ZNF514: variants seen among roughly 807,000 people sequenced by gnomAD.
ZNF514 encodes the protein zinc finger protein 514.
Under a neutral mutation model 9.7 loss-of-function variants are expected in ZNF514, and 12 were observed. The ratio of observed to expected loss-of-function variants is 1.24; its 90% CI spans 0.79 to 2.01. The LOEUF (loss-of-function observed/expected upper bound fraction) is 2.01, where lower values mean the gene tolerates loss of function less well. Among genes scored for constraint, ZNF514 ranks in the 30% most tolerant of loss-of-function variants. ZNF514 has a pLI of 0.00. For synonymous variants in ZNF514, 158 were observed against 163.7 expected (o/e 0.97, Z 0.27); for missense variants, 467 against 465.5 (o/e 1.00, Z -0.03).
chr2:95,155,964 C>A (rs1673676933), intron 2 of ZNF514, among the ~76,000 whole-genome samples: 1 of 152,168 alleles, frequency 6.6e-6, no homozygotes, highest in African/African-American at 2.4e-5. Context: ...GGAGCAGAGT[C>A]ACAGTCAGCC....
Position 95,150,252 on chromosome 2 carries a change from G to C in ZNF514, c.233C>G (p.Ser78Cys), listed in dbSNP as rs1490055401. 4.0e-6 allele frequency: 6 copies of C among 1,496,632 alleles called. No individual in the cohort carries two copies. The South Asian group carries it at 6.0e-5, about 15-fold the overall frequency. 92.7% of individuals were successfully genotyped at this position (1,496,632 alleles called of 1,614,324 possible). Residue 78 changes from serine (S) to cysteine (C), a missense_variant, in exon 5 of 5, where the codon TCT becomes TGT. Coordinates refer to ENST00000295208, the MANE Select transcript of ZNF514 (RefSeq NM_032788.3). The stretch of plus-strand genomic sequence containing the variant: ...ACTTGGCATTGATTCCTTGGATTTA[G>C]ACCTTCTCTTCCAGTCTGTTAAAAA... ...TGAHSDWKRR[S>C]KSKESMPSWG...
At chr2:95,132,919 G>C in the ZNF514 span, among the ~76,000 whole-genome samples, 1 of 148,112 alleles carries the variant, frequency 6.8e-6, no homozygotes, top group African/African-American at 2.5e-5. Flanking sequence ...ACTACGCCTA[G>C]CAATTGCATT....
chr2:95,149,601 C>G lies in ZNF514; in HGVS notation c.884G>C (p.Arg295Pro). The change falls in exon 5 of 5, where the codon CGA becomes CCA. Residue 295 changes from arginine to proline, a missense_variant. Arg to Pro is a moderately radical substitution (Grantham distance 103). Transcript: ENST00000295208. The stretch of plus-strand genomic sequence containing the variant: ...AAGGGATGAAGTGTGACCAAAGGCT[C>G]GTCCACATTCATTACATTTGTAGGG... ...EKPYKCNECG[R>P]AFGHTSSLIK... 1 of 1,614,022 alleles carries G rather than the reference C, an allele frequency of 6.2e-7. No individual in the cohort carries two copies. The highest frequency in any genetic ancestry group is 2.2e-5 in the East Asian group (1 of 44,870).
rs751817481 is a variant in ZNF514 at position 95,149,947 on chromosome 2, T to C, written c.538A>G (p.Lys180Glu). 3.7e-6 allele frequency: 6 copies of C among 1,614,122 alleles called. No individual in the cohort carries two copies. The African/African-American group carries it at 8.0e-5, about 22-fold the overall frequency. ...HSILMGEGSY[K>E]CDTEFRQTLG... is the part of the protein sequence containing the mutation. ...GTCTGCCTGAATTCTGTATCACATTTATAAGATCCTTCTCCCATGAGAATG... is the reference window on the plus strand; with the variant it reads ...GTCTGCCTGAATTCTGTATCACATTCATAAGATCCTTCTCCCATGAGAATG... The change falls in exon 5 of 5, where the codon AAA becomes GAA. Residue 180 changes from lysine (K) to glutamate (E), a missense_variant. Coordinates refer to ENST00000295208, the MANE Select transcript of ZNF514 (RefSeq NM_032788.3).
At chr2:95,133,194 C>T in the ZNF514 span, among the ~76,000 whole-genome samples, 1 of 152,116 alleles carries the variant, frequency 6.6e-6, no homozygotes, top group Non-Finnish European at 1.5e-5. Flanking sequence ...CTTGGCCAGG[C>T]AAGATGGCTC....
At chr2:95,140,620 T>A (rs187517398), downstream of ZNF514, among the ~76,000 whole-genome samples, 675 of 149,320 alleles carry the variant, frequency 4.5e-3, 7 homozygotes, top group East Asian at 0.048. Context: ...CTTGAAAAAA[T>A]ATATATATAT....
At chr2:95,153,547 CA>C (rs1676605148) in intron 2 of ZNF514, 1 of 231,856 alleles carries the variant, frequency 4.3e-6, no homozygotes, top group Non-Finnish European at 8.4e-6. Flanking sequence ...ATGATTCTGA[CA>C]ACAATAAGGC....
At chr2:95,139,119 C>A in the ZNF514 span, among the ~76,000 whole-genome samples, 19 of 152,232 alleles carry the variant, frequency 1.2e-4, no homozygotes, top group Admixed American at 5.9e-4. Flanking sequence ...TGCTTGTCAG[C>A]CTCCATCTAG....
chr2:95,159,709 C>G lies in ZNF514; in HGVS notation c.-565G>C, dbSNP rs1229157387. 3 of 137,228 alleles carry G rather than the reference C, an allele frequency of 2.2e-5. No individual in the cohort carries two copies. The highest frequency in any genetic ancestry group is 4.7e-5 in the Non-Finnish European group (3 of 63,316). 8.5% of individuals were successfully genotyped at this position (137,228 alleles called of 1,614,324 possible). ...CCCGCGTCCGCCCCGCGCCAGCCCC[C>G]GCGTCCGCCCCGCGCCAGCCCCCGC... On this transcript the variant is annotated 5_prime_UTR_variant, in exon 1 of 5. Coordinates refer to ENST00000295208, the MANE Select transcript of ZNF514 (RefSeq NM_032788.3).
At position 95,153,137 on chromosome 2, in the gene ZNF514, A is replaced by G; in HGVS notation, c.117T>C (p.Ile39=). Residue 39 remains isoleucine (I), a synonymous_variant, in exon 3 of 5, where the codon ATT becomes ATC. Transcript: ENST00000295208. ...VMLENFRNLA[I]LGLLVSKPYV... Reference sequence around the variant, plus strand: ...CTTTGGAGGGCTTGTGCTCACCCAGAATGGCCAAGTTCCTGAAGTTCTCCA... The same window carrying G: ...CTTTGGAGGGCTTGTGCTCACCCAGGATGGCCAAGTTCCTGAAGTTCTCCA... 6.2e-7 allele frequency: 1 copy of G among 1,611,828 alleles called. No homozygotes were observed. Among genetic ancestry groups the G allele is most frequent in the Non-Finnish European group, 8.5e-7 (1 of 1,178,262 alleles).
chr2:95,129,325 C>T, the ZNF514 span, among the ~76,000 whole-genome samples: 1 of 152,114 alleles, frequency 6.6e-6, no homozygotes, highest in Non-Finnish European at 1.5e-5. Flanking sequence ...CAAAAGAGTC[C>T]ATGGCACTTG....
the ZNF514 span, among the ~76,000 whole-genome samples, chr2:95,136,198 A>G: frequency 6.6e-6 from 1 of 152,208 alleles, no homozygotes; most frequent in Admixed American, 6.5e-5. Flanking sequence ...TCTATACACA[A>G]GATCATATCA....
chr2:95,156,072 T>C (rs911918783), intron 2 of ZNF514, among the ~76,000 whole-genome samples: 2 of 152,248 alleles, frequency 1.3e-5, no homozygotes, highest in African/African-American at 2.4e-5. Flanking sequence ...CCCACCTAAG[T>C]GCTCTGATAA....
At chr2:95,142,833 C>T (rs185134431), downstream of ZNF514, among the ~76,000 whole-genome samples, 47 of 152,246 alleles carry the variant, frequency 3.1e-4, no homozygotes, top group South Asian at 4.1e-4. Flanking sequence ...TAACTCTGGC[C>T]GAAGTTATGA....
the ZNF514 span, among the ~76,000 whole-genome samples, chr2:95,130,802 T>C: frequency 6.6e-6 from 1 of 152,196 alleles, no homozygotes; most frequent in African/African-American, 2.4e-5. Flanking sequence ...TTGTAGTTAA[T>C]GCAATTATTA....
At chr2:95,124,354 G>A in the ZNF514 span, among the ~76,000 whole-genome samples, 3 of 151,994 alleles carry the variant, frequency 2.0e-5, no homozygotes, top group Non-Finnish European at 4.4e-5. Flanking sequence ...TACCCTTGAC[G>A]TCTATCCAAG....
chr2:95,134,755 A>C, the ZNF514 span, among the ~76,000 whole-genome samples: 3 of 152,158 alleles, frequency 2.0e-5, no homozygotes, highest in Admixed American at 2.0e-4. Context: ...GCTTTGATGC[A>C]TTTTGCATTT....
chr2:95,143,476 G>A (rs1453031822), downstream of ZNF514, among the ~76,000 whole-genome samples: 14 of 151,964 alleles, frequency 9.2e-5, no homozygotes, highest in African/African-American at 2.4e-4. Context: ...AAAATTAGCC[G>A]GGCATGGTGG....
chr2:95,151,472 A>C (rs866218654), intron 4 of ZNF514, among the ~76,000 whole-genome samples: 3 of 152,112 alleles, frequency 2.0e-5, no homozygotes, highest in Non-Finnish European at 2.9e-5. Flanking sequence ...GTGCCCAGCC[A>C]CTCCAGAAAG....
Sources: allele counts gnomAD v4.1 joint callset (sites outside exome capture counted in the v4.1 genomes callset), GRCh38; gene constraint gnomAD v4.1.1; transcripts MANE v1.5; gene names NCBI Gene and HGNC (gene_info 2026-07-23, HGNC 2026-07-21).